The following FAM83F variants were observed in gnomAD, a reference collection of about 807,000 sequenced individuals.
FAM83F encodes the protein protein FAM83F.
In FAM83F, 45 loss-of-function variants were observed where a neutral mutation model predicts 42.9. The ratio of observed to expected loss-of-function variants is 1.05; its 90% CI spans 0.83 to 1.35. The LOEUF is 1.35. FAM83F is among the 40% of genes most tolerant of loss of function. The probability of loss-of-function intolerance (pLI) is 0.00; values close to 1 mark genes in which losing one functional copy is unlikely to be tolerated. For missense variants in FAM83F, 617 were observed against 695.9 expected (o/e 0.89, Z 1.28); for synonymous variants, 306 against 298.3 (o/e 1.03, Z -0.27).
rs1319728768 is a variant in FAM83F at position 40,023,476 on chromosome 22, C to T, written c.1453+1513C>T. Reference sequence around the variant, plus strand: ...GGAAGAGGGGAAGGAGGGGGCGAGCCGACAGCAGCAAGGACTATTTCCCGA... The same window carrying T: ...GGAAGAGGGGAAGGAGGGGGCGAGCTGACAGCAGCAAGGACTATTTCCCGA... On this transcript the variant is annotated intron_variant, in intron 4 of 4. Coordinates refer to ENST00000333407, the MANE Select transcript of FAM83F (RefSeq NM_138435.4). The surrounding 1 kb of genome is among the most constrained non-coding windows in gnomAD (Gnocchi z 4.1). 6.6e-6 allele frequency among the ~76,000 whole-genome samples: 1 copy of T among 152,098 alleles called. No individual in the cohort carries two copies. Among genetic ancestry groups the T allele is most frequent in the South Asian group, 2.1e-4 (1 of 4,828 alleles).
rs751351351 is a variant in FAM83F, at chr22:40,029,562, C to G, written c.1500C>G (p.Ser500=). The G allele has an allele frequency of 1.2e-6, 2 of 1,611,932 alleles. No homozygotes were observed. Among genetic ancestry groups the G allele is most frequent in the Non-Finnish European group, 1.7e-6 (2 of 1,179,140 alleles). The part of the protein sequence containing the change: ...SSAKPSNCVI[S] ...CCAAGCCTAGCAACTGTGTGATTTC[C>G]TGAGCTGCGGGATGGTGGTGGGCAG... Residue 500 remains serine, a synonymous_variant, in exon 5 of 5, where the codon TCC becomes TCG. Coordinates refer to ENST00000333407, the MANE Select transcript of FAM83F (RefSeq NM_138435.4).
rs2067600886 is a variant in FAM83F, at chr22:40,033,315, C to G, written c.*3750C>G. ...GGTCAGGCTGATCTTGAACTCCCGG[C>G]CTCAGGTGATCTGCCTGCCTTGGCC... On this transcript the variant is annotated 3_prime_UTR_variant, in exon 5 of 5. Transcript: ENST00000333407. 1 of 152,028 alleles carries G rather than the reference C, an allele frequency of 6.6e-6. No individual in the cohort carries two copies. Among genetic ancestry groups the G allele is most frequent in the African/African-American group, 2.4e-5 (1 of 41,372 alleles). The allele number at this position is 152,028 out of a possible 1,614,324, so 9.4% of individuals were successfully genotyped here.
intron 1 of FAM83F, chr22:39,999,010 G>A (rs1371320477): frequency 6.6e-6 from 1 of 152,228 alleles, no homozygotes; most frequent in African/African-American, 2.4e-5. Context: ...CTGGCAACTT[G>A]GAAGGATTGT....
At chr22:40,012,927 A>T (rs1017201335) in intron 1 of FAM83F, among the ~76,000 whole-genome samples, 17 of 150,370 alleles carry the variant, frequency 1.1e-4, no homozygotes, top group African/African-American at 4.2e-4. Context: ...CAAAAAAAAA[A>T]AAAAAATTAG....
rs752235227 is a variant in FAM83F at position 40,021,806 on chromosome 22, C to G, written c.1296C>G (p.Ala432=). 2 of 1,612,572 alleles carry G rather than the reference C, an allele frequency of 1.2e-6. No homozygotes were observed. The highest frequency in any genetic ancestry group is 8.5e-7 in the Non-Finnish European group (1 of 1,179,674). The change falls in exon 4 of 5, where the codon GCC becomes GCG. Residue 432 remains alanine, a synonymous_variant. Coordinates refer to ENST00000333407, the MANE Select transcript of FAM83F (RefSeq NM_138435.4). The surrounding 1 kb of genome is among the most constrained non-coding windows in gnomAD (Gnocchi z 8.7). Reference sequence around the variant, plus strand: ...TGGGAGAAGCGGCCCGGGGGGAGGCCGCCCCCGCCAGGCGCTTCAGCAGCA... The same window carrying G: ...TGGGAGAAGCGGCCCGGGGGGAGGCGGCCCCCGCCAGGCGCTTCAGCAGCA... The part of the protein sequence containing the change: ...NGMGEAARGE[A]APARRFSSRL...
chr22:40,024,736 C>A (rs2067541431), intron 4 of FAM83F, among the ~76,000 whole-genome samples: 1 of 152,176 alleles, frequency 6.6e-6, no homozygotes, highest in Non-Finnish European at 1.5e-5. Context: ...CAAGGGAGAA[C>A]CTGAGTTGAT....
At chr22:40,018,339 C>T (rs1253980740) in intron 1 of FAM83F, among the ~76,000 whole-genome samples, 5 of 152,190 alleles carry the variant, frequency 3.3e-5, no homozygotes, top group African/African-American at 1.2e-4. Flanking sequence ...CCACCCCTGG[C>T]ATCTCCGTGA....
intron 1 of FAM83F, among the ~76,000 whole-genome samples, chr22:40,013,806 C>T (rs1024151757): frequency 2.6e-5 from 4 of 151,882 alleles, no homozygotes; most frequent in Non-Finnish European, 5.9e-5. Flanking sequence ...TTTTAAAATG[C>T]CCTTTAGTAG....
intron 1 of FAM83F, among the ~76,000 whole-genome samples, chr22:40,015,632 C>G (rs1254022951): frequency 1.3e-5 from 2 of 152,162 alleles, no homozygotes; most frequent in African/African-American, 4.8e-5. Flanking sequence ...GCAGCCCAGA[C>G]AACCTCCCTG....
In FAM83F at chr22:40,021,619, G is replaced by A. The variant is rs533312678; in HGVS notation, c.1109G>A (p.Arg370His). ...EGASGGESAW[R>H]LESFLKDLVT... is the part of the protein sequence containing the mutation. ...GCCAGCGGTGGCGAGTCGGCCTGGCGCCTGGAGAGCTTCCTGAAAGACCTG... is the reference window on the plus strand; with the variant it reads ...GCCAGCGGTGGCGAGTCGGCCTGGCACCTGGAGAGCTTCCTGAAAGACCTG... The change falls in exon 4 of 5, where the codon CGC becomes CAC. Residue 370 changes from arginine to histidine, a missense_variant. Arg to His is a conservative substitution (Grantham distance 29, BLOSUM62 0). Transcript: ENST00000333407. This position sits in a 1 kb window ranked among gnomAD's most constrained non-coding sequence, Gnocchi z 8.7. The A allele has an allele frequency of 8.5e-5, 135 of 1,588,856 alleles. No individual in the cohort carries two copies. Among genetic ancestry groups the A allele is most frequent in the Middle Eastern group, 3.4e-4 (2 of 5,956 alleles).
chr22:40,039,180 C>T lies in FAM83F; in HGVS notation c.*9615C>T, dbSNP rs1048568389. The stretch of plus-strand genomic sequence containing the variant: ...TGAGTGCAGTGGCGCGATCTCAGCT[C>T]ACTGCAACCTCCACCTCCCAGGTTG... On this transcript the variant is annotated 3_prime_UTR_variant, in exon 5 of 5. Transcript: ENST00000333407. The T allele has an allele frequency of 6.6e-6, 1 of 152,312 alleles. No homozygotes were observed. Among genetic ancestry groups the T allele is most frequent in the Non-Finnish European group, 1.5e-5 (1 of 68,122 alleles). 9.4% of individuals were successfully genotyped at this position (152,312 alleles called of 1,614,324 possible).
intron 4 of FAM83F, among the ~76,000 whole-genome samples, chr22:40,026,541 CAAAA>C (rs2067553986): frequency 6.8e-6 from 1 of 148,056 alleles, no homozygotes; most frequent in African/African-American, 2.7e-5. Context: ...CAAAACAAAA[CAAAA>C]AACTGTTCGG....
In FAM83F at chr22:40,040,506, G is replaced by A. The variant is rs1756346622; in HGVS notation, c.*10941G>A. ...AGCTGCCTCCTGTGTGTCTAGCATT[G>A]GCCAGCACACATGAGGGGGTCCAGT... On this transcript the variant is annotated 3_prime_UTR_variant, in exon 5 of 5. Coordinates refer to ENST00000333407, the MANE Select transcript of FAM83F (RefSeq NM_138435.4). 1 of 152,110 alleles carries A rather than the reference G, an allele frequency of 6.6e-6. No homozygotes were observed. Among genetic ancestry groups the A allele is most frequent in the Non-Finnish European group, 1.5e-5 (1 of 68,028 alleles). The allele number at this position is 152,110 out of a possible 1,614,324, so 9.4% of individuals were successfully genotyped here. A position where few individuals can be genotyped will look rare whatever the true frequency, so the allele number is the denominator to read the frequency against.
chr22:40,029,831 A>G lies in FAM83F; in HGVS notation c.*266A>G, dbSNP rs2067576737. On this transcript the variant is annotated 3_prime_UTR_variant, in exon 5 of 5. Coordinates refer to ENST00000333407, the MANE Select transcript of FAM83F (RefSeq NM_138435.4). ...GTTTACATGAAGTGGAAGCTTGACC[A>G]GTGTCTGCTCGCCTTTGTGCCCCAC... 2.2e-6 allele frequency: 1 copy of G among 453,414 alleles called. No individual in the cohort carries two copies. The highest frequency in any genetic ancestry group is 4.0e-6 in the Non-Finnish European group (1 of 250,564). 28.1% of individuals were successfully genotyped at this position (453,414 alleles called of 1,614,324 possible).
intron 4 of FAM83F, among the ~76,000 whole-genome samples, chr22:40,025,787 C>A (rs1335608874): frequency 6.6e-6 from 1 of 152,212 alleles, no homozygotes; most frequent in Non-Finnish European, 1.5e-5. Flanking sequence ...TAGGAATCTG[C>A]ATTTTAAATT....
In FAM83F at chr22:40,029,786, G is replaced by A; in HGVS notation, c.*221G>A. 1.7e-6 allele frequency: 1 copy of A among 602,614 alleles called. No individual in the cohort carries two copies. The highest frequency in any genetic ancestry group is 2.8e-6 in the Non-Finnish European group (1 of 354,710). The allele number at this position is 602,614 out of a possible 1,614,324, so 37.3% of individuals were successfully genotyped here. On this transcript the variant is annotated 3_prime_UTR_variant, in exon 5 of 5. Coordinates refer to ENST00000333407, the MANE Select transcript of FAM83F (RefSeq NM_138435.4). Reference sequence around the variant, plus strand: ...CCGGACTGTCGGTGGCTGGGCAGGGGTCAGTGCCACGGCCTCCTTGTTTAC... The same window carrying A: ...CCGGACTGTCGGTGGCTGGGCAGGGATCAGTGCCACGGCCTCCTTGTTTAC...
intron 1 of FAM83F, among the ~76,000 whole-genome samples, chr22:40,010,699 A>T (rs116801024): frequency 0.015 from 2,256 of 152,324 alleles, 48 homozygotes; most frequent in African/African-American, 0.051. Context: ...AGTCCACTCT[A>T]AACTGGACAC....
chr22:40,021,299 G>T lies in FAM83F; in HGVS notation c.789G>T (p.Trp263Cys), dbSNP rs781204642. The change falls in exon 4 of 5, where the codon TGG (tryptophan) becomes TGT (cysteine). Residue 263 changes from tryptophan to cysteine, a missense_variant. Coordinates refer to ENST00000333407, the MANE Select transcript of FAM83F (RefSeq NM_138435.4). The surrounding 1 kb of genome is among the most constrained non-coding windows in gnomAD (Gnocchi z 8.7). ...KVATGSYRFTWSSSHVDRNLL... is the reference protein window; with the variant it reads ...KVATGSYRFTCSSSHVDRNLL... ...GTCCCCACGTTCCCAGGTTCACCTG[G>T]AGTTCCTCCCATGTGGACAGAAACC... The T allele has an allele frequency of 6.5e-7, 1 of 1,542,894 alleles. No individual in the cohort carries two copies. The highest frequency in any genetic ancestry group is 1.9e-5 in the Admixed American group (1 of 51,358).
At chr22:40,003,813 C>A (rs574578265) in intron 1 of FAM83F, among the ~76,000 whole-genome samples, 1 of 152,112 alleles carries the variant, frequency 6.6e-6, no homozygotes, top group African/African-American at 2.4e-5. Context: ...ATATGCACGC[C>A]GGGGCACAGC....
Sources: gnomAD v4.1 joint callset for allele counts (sites outside exome capture counted in the v4.1 genomes callset) on GRCh38, gnomAD v4.1.1 for gene constraint, Gnocchi (gnomAD v3.1) non-coding constraint, MANE v1.5 for transcripts, NCBI Gene and HGNC (gene_info 2026-07-23, HGNC 2026-07-21) for gene names.